Variants in PLLP observed in about 807,000 individuals in gnomAD.
The protein encoded by PLLP is plasma membrane proteolipid (plasmolipin).
A neutral mutation model predicts 19.7 loss-of-function variants in PLLP; 15 were observed. The ratio of observed to expected loss-of-function variants is 0.76; its 90% CI spans 0.51 to 1.17. The LOEUF (loss-of-function observed/expected upper bound fraction) is 1.17. Among genes scored for constraint, PLLP ranks in the 50% most tolerant of loss-of-function variants. The probability of loss-of-function intolerance (pLI) is 0.00; values close to 1 mark genes in which losing one functional copy is unlikely to be tolerated. For missense variants in PLLP, 255 were observed against 258.3 expected (o/e 0.99, Z 0.09); for synonymous variants, 111 against 116.3 (o/e 0.95, Z 0.29).
In PLLP at chr16:57,258,378, G is replaced by A. The variant is rs1351500604; in HGVS notation, c.432+84C>T. 5.6e-6 allele frequency: 8 copies of A among 1,437,348 alleles called. No individual in the cohort carries two copies. The East Asian group carries it at 1.9e-4, about 34-fold the overall frequency. The allele number at this position is 1,437,348 out of a possible 1,614,324, so 89.0% of individuals were successfully genotyped here. A position where few individuals can be genotyped will look rare whatever the true frequency, so the allele number is the denominator to read the frequency against. ...GACAACCCCTCAGGAGGTGGCAGGT[G>A]CCTGGCCTCAGACCAAGCGAGCAGC... On this transcript the variant is annotated intron_variant, in intron 3 of 3. Coordinates refer to ENST00000219207, the MANE Select transcript of PLLP (RefSeq NM_015993.3).
chr16:57,264,705 G>T (rs907503712), intron 1 of PLLP, among the ~76,000 whole-genome samples: 2 of 152,216 alleles, frequency 1.3e-5, no homozygotes, highest in East Asian at 1.9e-4. Context: ...AAAATTAGCC[G>T]AGTGTGGTGA....
At chr16:57,269,209 A>G (rs532713959) in intron 1 of PLLP, among the ~76,000 whole-genome samples, 2 of 152,288 alleles carry the variant, frequency 1.3e-5, no homozygotes, top group African/African-American at 4.8e-5. Context: ...ACTCCTGAAC[A>G]TGGGCCTCCT....
rs117537440 is a variant in PLLP, at chr16:57,261,674, T to C, written c.309+223A>G. Among the ~76,000 whole-genome samples, 909 of 152,272 alleles carry C rather than the reference T, an allele frequency of 6.0e-3. 2 individuals are homozygous for C. The highest frequency in any genetic ancestry group is 9.8e-3 in the Non-Finnish European group (669 of 68,028). ...GGTTCAAGGCTGCAGTGAGCCATTA[T>C]TGAGCCACTGCACTCCAGCCTGCAC... On this transcript the variant is annotated intron_variant, in intron 2 of 3. Coordinates refer to ENST00000219207, the MANE Select transcript of PLLP (RefSeq NM_015993.3).
chr16:57,280,893 G>A (rs555484375), intron 1 of PLLP, among the ~76,000 whole-genome samples: 2 of 152,182 alleles, frequency 1.3e-5, no homozygotes, highest in Admixed American at 6.5e-5. Context: ...TTCTGATACC[G>A]AATGAAAAGT....
Position 57,256,767 on chromosome 16 carries a change from C to A in PLLP, c.*146G>T. 1 of 617,376 alleles carries A rather than the reference C, an allele frequency of 1.6e-6. No homozygotes were observed. Among genetic ancestry groups the A allele is most frequent in the Non-Finnish European group, 2.9e-6 (1 of 347,876 alleles). The allele number at this position is 617,376 out of a possible 1,614,324, so 38.2% of individuals were successfully genotyped here. A position where few individuals can be genotyped will look rare whatever the true frequency, so the allele number is the denominator to read the frequency against. On this transcript the variant is annotated 3_prime_UTR_variant, in exon 4 of 4. Coordinates refer to ENST00000219207, the MANE Select transcript of PLLP (RefSeq NM_015993.3). Reference sequence around the variant, plus strand: ...GCCTGCTTCCTTAGCGCTGTGAGAGCTTATGTCTGACGGGCAGAGAGGAGC... The same window carrying A: ...GCCTGCTTCCTTAGCGCTGTGAGAGATTATGTCTGACGGGCAGAGAGGAGC...
chr16:57,268,001 G>C (rs536410817), intron 1 of PLLP, among the ~76,000 whole-genome samples: 1 of 152,274 alleles, frequency 6.6e-6, no homozygotes, highest in East Asian at 1.9e-4. Context: ...GTCCTTGCAA[G>C]AGAAATGTGG....
chr16:57,257,120 G>T, intron 3 of PLLP, 91 bp from the exon 4 acceptor site: 1 of 869,056 alleles, frequency 1.2e-6, no homozygotes, highest in Non-Finnish European at 1.9e-6. Context: ...AGGGGTTGTG[G>T]CAGCCGCACC....
chr16:57,280,604 T>C (rs1901208236), intron 1 of PLLP, among the ~76,000 whole-genome samples: 1 of 152,232 alleles, frequency 6.6e-6, no homozygotes, highest in African/African-American at 2.4e-5. Flanking sequence ...CCTCCTTTTT[T>C]AGACGCTATC....
At chr16:57,261,805 G>A in intron 2 of PLLP, 92 bp downstream of exon 2, 1 of 1,165,984 alleles carries the variant, frequency 8.6e-7, no homozygotes, top group Non-Finnish European at 1.3e-6. Flanking sequence ...CAGTGAGGAT[G>A]TCAGGCCACC....
intron 1 of PLLP, among the ~76,000 whole-genome samples, chr16:57,273,258 T>C (rs1901102658): frequency 6.9e-6 from 1 of 144,288 alleles, no homozygotes; most frequent in Admixed American, 6.7e-5. Flanking sequence ...AGACTCCATC[T>C]CAAAAAAAAA....
intron 1 of PLLP, among the ~76,000 whole-genome samples, chr16:57,278,299 C>A (rs924699212): frequency 1.3e-5 from 2 of 152,134 alleles, no homozygotes; most frequent in Non-Finnish European, 2.9e-5. Flanking sequence ...GAGATTACGC[C>A]GCTGCACTCC....
At chr16:57,271,855 C>A (rs1461847181) in intron 1 of PLLP, among the ~76,000 whole-genome samples, 1 of 151,948 alleles carries the variant, frequency 6.6e-6, no homozygotes, top group Admixed American at 6.6e-5. Flanking sequence ...TGGCAGCACT[C>A]GCAGGTGGGA....
At chr16:57,273,987 A>G (rs1434550419) in intron 1 of PLLP, among the ~76,000 whole-genome samples, 2 of 152,024 alleles carry the variant, frequency 1.3e-5, no homozygotes, top group Admixed American at 6.6e-5. Context: ...ACGAACGTGT[A>G]CTATTTTTTA....
rs774179306 is a variant in PLLP, at chr16:57,284,453, G to A, written c.88C>T (p.Leu30=). The A allele has an allele frequency of 7.1e-7, 1 of 1,408,436 alleles. No individual in the cohort carries two copies. The allele number at this position is 1,408,436 out of a possible 1,614,324, so 87.2% of individuals were successfully genotyped here. Residue 30 remains leucine, a synonymous_variant, in exon 1 of 4, where the codon CTG becomes TTG. Transcript: ENST00000219207. ...CCGAGGCGGGAGCGCACGAAGCCCA[G>A]GTCCGGGCGCAGCGCCGACACCGAG... ...EASVSALRPD[L]GFVRSRLGAL...
At chr16:57,277,755 G>A (rs1418416096) in intron 1 of PLLP, among the ~76,000 whole-genome samples, 4 of 150,790 alleles carry the variant, frequency 2.7e-5, no homozygotes, top group African/African-American at 1.0e-4. Flanking sequence ...GGTTAAGTGA[G>A]GATGTGGGTT....
intron 1 of PLLP, among the ~76,000 whole-genome samples, chr16:57,283,781 C>T (rs1901247483): frequency 6.6e-6 from 1 of 152,202 alleles, no homozygotes; most frequent in African/African-American, 2.4e-5. Flanking sequence ...TGAAACCTGG[C>T]GGGTCACCCA....
At chr16:57,259,538 T>C (rs2075435860) in intron 2 of PLLP, among the ~76,000 whole-genome samples, 2 of 152,096 alleles carry the variant, frequency 1.3e-5, no homozygotes, top group Admixed American at 6.5e-5. Flanking sequence ...CCCAAACGCT[T>C]GGCCCCAGGA....
intron 3 of PLLP, among the ~76,000 whole-genome samples, chr16:57,257,478 G>A (rs2075429380): frequency 1.3e-5 from 2 of 152,224 alleles, no homozygotes; most frequent in Non-Finnish European, 2.9e-5. Flanking sequence ...GGAAGAGTAA[G>A]GAACCAAATG....
Position 57,261,996 on chromosome 16 carries a change from C to T in PLLP, c.210G>A (p.Met70Ile), listed in dbSNP as rs758681412. 4.3e-6 allele frequency: 7 copies of T among 1,614,192 alleles called. No homozygotes were observed. The highest frequency in any genetic ancestry group is 5.9e-6 in the Non-Finnish European group (7 of 1,180,022). The change falls in exon 2 of 4, where the codon ATG (methionine) becomes ATA (isoleucine). Residue 70 changes from methionine (M) to isoleucine (I), a missense_variant. Met to Ile is a conservative substitution (Grantham distance 10). Transcript: ENST00000219207. Reference sequence around the variant, plus strand: ...CCAGCCAGAGGAAGACAGCGACGAACATCACCCAGCCATAGGCCGGATACA... The same window carrying T: ...CCAGCCAGAGGAAGACAGCGACGAATATCACCCAGCCATAGGCCGGATACA... ...YHLYPAYGWV[M>I]FVAVFLWLVT...
Sources: gnomAD v4.1 joint callset for allele counts (sites outside exome capture counted in the v4.1 genomes callset) on GRCh38, gnomAD v4.1.1 for gene constraint, MANE v1.5 for transcripts, NCBI Gene and HGNC (gene_info 2026-07-23, HGNC 2026-07-21) for gene names.